ERG: variants seen among roughly 807,000 people sequenced by gnomAD.
ERG encodes ETS transcription factor ERG.
ERG carries 9 observed loss-of-function variants against 55.3 expected under a neutral mutation model. The ratio of observed to expected loss-of-function variants is 0.16; its 90% CI spans 0.10 to 0.28. The LOEUF (loss-of-function observed/expected upper bound fraction) is 0.28, where lower values mean the gene tolerates loss of function less well. Ranked by LOEUF, ERG falls within the 10% of genes least tolerant of loss-of-function variation. The pLI is 1.00. For missense variants in ERG, 434 were observed against 631.6 expected, an observed-to-expected ratio of 0.69 and a Z score of 3.35; for synonymous variants, 223 against 237.3, an observed-to-expected ratio of 0.94 and a Z score of 0.55.
chr21:38,543,579 G>A (rs1358076025), intron 2 of ERG, among the ~76,000 whole-genome samples: 4 of 152,004 alleles, frequency 2.6e-5, no homozygotes, highest in Admixed American at 6.6e-5. Flanking sequence ...AGTGAGGATG[G>A]AGCCACAAAC....
At chr21:38,527,753 A>AG (rs2059640497) in intron 2 of ERG, among the ~76,000 whole-genome samples, 1 of 152,332 alleles carries the variant, frequency 6.6e-6, no homozygotes, top group East Asian at 1.9e-4. Flanking sequence ...TTGAAGCCAG[A>AG]GGTTACTGAA....
intron 3 of ERG, among the ~76,000 whole-genome samples, chr21:38,419,923 C>T (rs576101875): frequency 5.3e-5 from 8 of 152,248 alleles, no homozygotes; most frequent in African/African-American, 7.2e-5. Flanking sequence ...TCTCAGTCTC[C>T]GTACAGTACA....
At chr21:38,475,393 G>A (rs908673581) in intron 1 of ERG, among the ~76,000 whole-genome samples, 6 of 152,104 alleles carry the variant, frequency 3.9e-5, no homozygotes, top group African/African-American at 1.2e-4. Flanking sequence ...AAAGGGACTC[G>A]GTGTCCAGGA....
chr21:38,492,892 A>G (rs2059348446), intron 1 of ERG, among the ~76,000 whole-genome samples: 1 of 152,226 alleles, frequency 6.6e-6, no homozygotes, highest in Non-Finnish European at 1.5e-5. Flanking sequence ...AAAAAAATGT[A>G]ATGAAATACT....
intron 1 of ERG, among the ~76,000 whole-genome samples, chr21:38,476,807 T>C (rs2059192432): frequency 6.6e-6 from 1 of 152,088 alleles, no homozygotes; most frequent in Admixed American, 6.6e-5. Flanking sequence ...AGGTGGGCAA[T>C]GGCTCTGTTC....
At chr21:38,520,488 T>C (rs948403161) in intron 2 of ERG, among the ~76,000 whole-genome samples, 1 of 152,204 alleles carries the variant, frequency 6.6e-6, no homozygotes, top group Non-Finnish European at 1.5e-5. Flanking sequence ...AGCCAGATCC[T>C]ACTGAGGAGT....
chr21:38,535,540 C>T (rs1362981346), intron 2 of ERG, among the ~76,000 whole-genome samples: 1 of 151,528 alleles, frequency 6.6e-6, no homozygotes, highest in African/African-American at 2.4e-5. Context: ...TTCAAAACAC[C>T]TTTATTTTTT....
the ERG span, among the ~76,000 whole-genome samples, chr21:38,373,783 A>G: frequency 6.6e-6 from 1 of 152,176 alleles, no homozygotes; most frequent in African/African-American, 2.4e-5. Flanking sequence ...TGTAGATCAA[A>G]TCTTTGTTGT....
chr21:38,502,812 C>T (rs1414767957), upstream of ERG, among the ~76,000 whole-genome samples: 2 of 151,574 alleles, frequency 1.3e-5, no homozygotes, highest in African/African-American at 4.9e-5. Context: ...CTGCAAGCTC[C>T]GCCTCCTGGG....
intron 1 of ERG, among the ~76,000 whole-genome samples, chr21:38,617,900 T>C (rs1285192677): frequency 6.6e-6 from 1 of 151,982 alleles, no homozygotes; most frequent in African/African-American, 2.4e-5. Flanking sequence ...GCCTTTGTTT[T>C]CCCCCACAGT....
intron 5 of ERG, among the ~76,000 whole-genome samples, chr21:38,401,081 T>C (rs1988466724): frequency 6.6e-6 from 1 of 152,238 alleles, no homozygotes; most frequent in Admixed American, 6.5e-5. Context: ...TATATGGATT[T>C]TATTAATAAT....
chr21:38,588,272 C>T (rs958786751), upstream of ERG, among the ~76,000 whole-genome samples: 2 of 152,282 alleles, frequency 1.3e-5, no homozygotes, highest in Non-Finnish European at 2.9e-5. Flanking sequence ...CCAGCAACGG[C>T]AGAAAGCCAA....
At chr21:38,401,854 C>T (rs1988510307) in intron 5 of ERG, among the ~76,000 whole-genome samples, 1 of 152,134 alleles carries the variant, frequency 6.6e-6, no homozygotes, top group African/African-American at 2.4e-5. Flanking sequence ...GGAAGGTTAG[C>T]CAGGATGAGG....
intron 3 of ERG, among the ~76,000 whole-genome samples, chr21:38,407,764 TA>T (rs556600385): frequency 9.0e-5 from 13 of 144,962 alleles, no homozygotes; most frequent in African/African-American, 3.3e-4. Flanking sequence ...AAAATAAAAG[TA>T]AAAAAACAAA....
intron 1 of ERG, among the ~76,000 whole-genome samples, chr21:38,482,205 G>A (rs1490943457): frequency 6.6e-6 from 1 of 152,202 alleles, no homozygotes; most frequent in Non-Finnish European, 1.5e-5. Flanking sequence ...CATAGGGAAA[G>A]GACGTGGATA....
chr21:38,392,238 G>T, intron 7 of ERG, 138 bp downstream of exon 7: 1 of 762,380 alleles, frequency 1.3e-6, no homozygotes. Flanking sequence ...AAGATCAATT[G>T]TACTCTTGTC....
chr21:38,407,681 TATATA>T (rs1220407641), intron 3 of ERG, among the ~76,000 whole-genome samples: 9 of 143,880 alleles, frequency 6.3e-5, no homozygotes, highest in South Asian at 2.1e-4. Flanking sequence ...ATATCACCTA[TATATA>T]ATATATGTGA....
chr21:38,541,443 A>AT (rs1343484117), intron 2 of ERG, among the ~76,000 whole-genome samples: 15 of 152,318 alleles, frequency 9.8e-5, no homozygotes, highest in Admixed American at 3.3e-4. Flanking sequence ...CACTTCATTT[A>AT]TAACAATAGG....
intron 2 of ERG, among the ~76,000 whole-genome samples, chr21:38,443,944 C>T (rs1014754673): frequency 1.3e-5 from 2 of 152,164 alleles, no homozygotes; most frequent in Non-Finnish European, 2.9e-5. Flanking sequence ...CAATATGTAG[C>T]ATCAGAGCCA....
Sources: gnomAD v4.1 joint callset for allele counts (sites outside exome capture counted in the v4.1 genomes callset) on GRCh38, gnomAD v4.1.1 for gene constraint, MANE v1.5 for transcripts, NCBI Gene and HGNC (gene_info 2026-07-23, HGNC 2026-07-21) for gene names.